SEC24B: variants seen among roughly 807,000 people sequenced by gnomAD.
The protein encoded by SEC24B is protein transport protein Sec24B.
Under a neutral mutation model 142.8 loss-of-function variants are expected in SEC24B, and 45 were observed. That is an observed-to-expected ratio of 0.32 (90% CI 0.25 to 0.40). The LOEUF is 0.40. Ranked by LOEUF, SEC24B falls within the 10% of genes least tolerant of loss-of-function variation. The probability of loss-of-function intolerance (pLI) is 1.00; values close to 1 mark genes in which losing one functional copy is unlikely to be tolerated. For synonymous variants in SEC24B, 574 were observed against 568.2 expected (o/e 1.01, Z -0.15); for missense variants, 1,409 against 1,526.8 (o/e 0.92, Z 1.29).
chr4:109,456,299 T>C (rs1374079441), intron 1 of SEC24B, among the ~76,000 whole-genome samples: 3 of 151,490 alleles, frequency 2.0e-5, no homozygotes, highest in East Asian at 1.9e-4. Context: ...TTCTACTTAG[T>C]CATGTCATTC....
intron 1 of SEC24B, among the ~76,000 whole-genome samples, 178 bp downstream of exon 1, chr4:109,434,180 C>A (rs1348448974): frequency 1.4e-5 from 2 of 143,470 alleles, no homozygotes; most frequent in African/African-American, 5.2e-5. Context: ...GGGTAGGGGG[C>A]AGGGAAGGCA....
In SEC24B at chr4:109,540,222, A is replaced by T. The variant is rs1329610380; in HGVS notation, c.*547A>T. On this transcript the variant is annotated 3_prime_UTR_variant, in exon 24 of 24. Transcript: ENST00000265175. Reference sequence around the variant, plus strand: ...AGAAAAAAATCTATATATAATGTACATAAATGTTACATTTGTAAAGAAAAT... The same window carrying T: ...AGAAAAAAATCTATATATAATGTACTTAAATGTTACATTTGTAAAGAAAAT... 6.5e-6 allele frequency: 1 copy of T among 152,730 alleles called. No homozygotes were observed. Among genetic ancestry groups the T allele is most frequent in the Non-Finnish European group, 1.5e-5 (1 of 68,082 alleles). The allele number at this position is 152,730 out of a possible 1,614,324, so 9.5% of individuals were successfully genotyped here. A position where few individuals can be genotyped will look rare whatever the true frequency, so the allele number is the denominator to read the frequency against.
chr4:109,498,468 G>A (rs1026527704), intron 6 of SEC24B, among the ~76,000 whole-genome samples: 2 of 152,076 alleles, frequency 1.3e-5, no homozygotes, highest in African/African-American at 2.4e-5. Flanking sequence ...AGATTCAAGC[G>A]ATTCTCCTGC....
chr4:109,442,732 A>G (rs1285671792), intron 1 of SEC24B, among the ~76,000 whole-genome samples: 1 of 152,200 alleles, frequency 6.6e-6, no homozygotes, highest in Non-Finnish European at 1.5e-5. Flanking sequence ...TAGTCAAATT[A>G]GAGATGTGGT....
At chr4:109,472,249 A>G (rs571522335) in intron 2 of SEC24B, among the ~76,000 whole-genome samples, 2 of 152,328 alleles carry the variant, frequency 1.3e-5, no homozygotes, top group Middle Eastern at 3.4e-3. Flanking sequence ...ACTGCTCACC[A>G]GTAGTCTTTT....
chr4:109,517,719 A>T (rs1264495356), intron 11 of SEC24B, among the ~76,000 whole-genome samples: 1 of 152,198 alleles, frequency 6.6e-6, no homozygotes, highest in African/African-American at 2.4e-5. Context: ...GATACATACA[A>T]TCTTATCTGT....
chr4:109,466,802 TA>T (rs1188292148), intron 2 of SEC24B, among the ~76,000 whole-genome samples: 2 of 152,232 alleles, frequency 1.3e-5, no homozygotes, highest in Non-Finnish European at 2.9e-5. Flanking sequence ...TCAGATATAC[TA>T]AAAGTCCTCA....
At chr4:109,485,123 A>G (rs1193792010) in intron 4 of SEC24B, among the ~76,000 whole-genome samples, 3 of 152,306 alleles carry the variant, frequency 2.0e-5, no homozygotes, top group African/African-American at 2.4e-5. Context: ...AATTACATAT[A>G]GTTGTTTTAA....
At chr4:109,500,521 G>A (rs1736010206) in intron 6 of SEC24B, among the ~76,000 whole-genome samples, 2 of 144,616 alleles carry the variant, frequency 1.4e-5, no homozygotes, top group South Asian at 2.2e-4. Flanking sequence ...ACCAGCCTGG[G>A]CAACAAGAGC....
intron 1 of SEC24B, among the ~76,000 whole-genome samples, chr4:109,450,344 C>T (rs1729931396): frequency 1.3e-5 from 2 of 152,068 alleles, no homozygotes; most frequent in African/African-American, 4.8e-5. Context: ...TGAAGTTATT[C>T]TACCATTCTC....
At chr4:109,434,256 G>A (rs1728168555) in intron 1 of SEC24B, among the ~76,000 whole-genome samples, 1 of 152,068 alleles carries the variant, frequency 6.6e-6, no homozygotes, top group African/African-American at 2.4e-5. Context: ...GGGAAAGCTG[G>A]GGCCGTGGCT....
intron 4 of SEC24B, among the ~76,000 whole-genome samples, chr4:109,482,979 T>TATATATATATATATAC (rs781527364): frequency 7.6e-5 from 2 of 26,408 alleles, no homozygotes; most frequent in South Asian, 1.7e-3. Context: ...TATATATATA[T>TATATATATATATATAC]ACACACACAC....
intron 1 of SEC24B, among the ~76,000 whole-genome samples, chr4:109,442,833 C>G (rs1479135521): frequency 2.0e-5 from 3 of 151,854 alleles, no homozygotes; most frequent in East Asian, 1.9e-4. Flanking sequence ...AGGTAACTTG[C>G]TTTATTTTTG....
intron 1 of SEC24B, among the ~76,000 whole-genome samples, chr4:109,458,094 C>A (rs1409061282): frequency 6.6e-6 from 1 of 151,946 alleles, no homozygotes; most frequent in Non-Finnish European, 1.5e-5. Context: ...TTTTCTTCAG[C>A]CTTTTTTTTT....
At chr4:109,536,814 C>CCA (rs1725593927) in intron 22 of SEC24B, among the ~76,000 whole-genome samples, 1 of 151,730 alleles carries the variant, frequency 6.6e-6, no homozygotes, top group South Asian at 2.1e-4. Flanking sequence ...CAGGCGTGAG[C>CCA]CACTGCGCCT....
In SEC24B at chr4:109,512,043, A is replaced by G. The variant is rs377294966; in HGVS notation, c.1863A>G (p.Gln621=). The G allele has an allele frequency of 1.6e-4, 252 of 1,613,292 alleles. 1 individual carries two copies. The highest frequency in any genetic ancestry group is 2.1e-4 in the Non-Finnish European group (245 of 1,179,538). ...ACCCCTTTGTATCCTTCATTGATCA[A>G]CGTAGATGGAAATGCAATTTGTGCT... is the stretch of plus-strand genomic sequence containing the variant. ...YINPFVSFID[Q]RRWKCNLCYR... Residue 621 remains glutamine (Q), a synonymous_variant, in exon 9 of 24, where the codon CAA becomes CAG. Transcript: ENST00000265175.
intron 8 of SEC24B, among the ~76,000 whole-genome samples, chr4:109,511,390 AATG>A (rs1326979723): frequency 7.7e-4 from 117 of 152,296 alleles, no homozygotes; most frequent in Non-Finnish European, 3.8e-4. Flanking sequence ...AAAAAAACAG[AATG>A]ATATACTAAA....
chr4:109,436,032 G>T (rs1272491770), intron 1 of SEC24B, among the ~76,000 whole-genome samples: 1 of 152,138 alleles, frequency 6.6e-6, no homozygotes, highest in Non-Finnish European at 1.5e-5. Flanking sequence ...CATCGAAGCC[G>T]AAAGGAGCAG....
chr4:109,444,453 G>T (rs1479938159), intron 1 of SEC24B, among the ~76,000 whole-genome samples: 1 of 146,392 alleles, frequency 6.8e-6, no homozygotes, highest in African/African-American at 2.6e-5. Flanking sequence ...TATTTCATAT[G>T]CCCTAAAGAG....
Sources: allele counts gnomAD v4.1 joint callset (sites outside exome capture counted in the v4.1 genomes callset), GRCh38; gene constraint gnomAD v4.1.1; transcripts MANE v1.5; gene names NCBI Gene and HGNC (gene_info 2026-07-23, HGNC 2026-07-21).